TTC28: variants seen among roughly 807,000 people sequenced by gnomAD.
The protein encoded by TTC28 is tetratricopeptide repeat domain 28.
In TTC28, 61 loss-of-function variants were observed where a neutral mutation model predicts 198.0. The ratio of observed to expected loss-of-function variants is 0.31; its 90% CI spans 0.25 to 0.38. TTC28 has a LOEUF of 0.38. Among genes scored for constraint, TTC28 ranks in the 10% least tolerant of loss-of-function variants. TTC28 has a pLI of 1.00. For synonymous variants in TTC28, 1,171 were observed against 1,297.8 expected, an observed-to-expected ratio of 0.90 and a Z score of 2.10; for missense variants, 2,678 against 3,164.0, an observed-to-expected ratio of 0.85 and a Z score of 3.69.
At chr22:28,131,343 T>C (rs1943055745) in intron 6 of TTC28, among the ~76,000 whole-genome samples, 1 of 152,228 alleles carries the variant, frequency 6.6e-6, no homozygotes, top group Non-Finnish European at 1.5e-5. Flanking sequence ...GAATCCATCA[T>C]AAATTGAAAA....
At chr22:28,354,130 C>T (rs756958131) in intron 2 of TTC28, among the ~76,000 whole-genome samples, 8 of 152,088 alleles carry the variant, frequency 5.3e-5, no homozygotes, top group Non-Finnish European at 1.5e-5. Flanking sequence ...TGGTGTTCCT[C>T]AAAAAGTTAA....
chr22:28,140,443 C>T (rs1943304837), intron 6 of TTC28, among the ~76,000 whole-genome samples: 1 of 152,200 alleles, frequency 6.6e-6, no homozygotes, highest in South Asian at 2.1e-4. Context: ...CCACATCAAT[C>T]CCACTCAGAC....
At chr22:28,086,570 C>T (rs1176921806) in intron 12 of TTC28, among the ~76,000 whole-genome samples, 1 of 151,972 alleles carries the variant, frequency 6.6e-6, no homozygotes, top group Non-Finnish European at 1.5e-5. Context: ...AGGAAAGATC[C>T]AAAATTGACA....
At chr22:28,117,354 C>G (rs1942660666) in intron 6 of TTC28, among the ~76,000 whole-genome samples, 1 of 152,176 alleles carries the variant, frequency 6.6e-6, no homozygotes, top group Non-Finnish European at 1.5e-5. Context: ...ACTCTATTAG[C>G]ACCTAGCACA....
intron 6 of TTC28, among the ~76,000 whole-genome samples, chr22:28,131,171 TTATC>T (rs1259308497): frequency 6.6e-6 from 1 of 152,192 alleles, no homozygotes; most frequent in Non-Finnish European, 1.5e-5. Context: ...TTTGAAAGGT[TTATC>T]TATTAATTTA....
chr22:28,619,394 A>G (rs1460285927), intron 2 of TTC28, among the ~76,000 whole-genome samples: 1 of 152,236 alleles, frequency 6.6e-6, no homozygotes, highest in Non-Finnish European at 1.5e-5. Context: ...ACAAACCTAG[A>G]TTGAATTCCA....
intron 12 of TTC28, among the ~76,000 whole-genome samples, chr22:28,061,029 T>C (rs1940511503): frequency 6.6e-6 from 1 of 152,226 alleles, no homozygotes; most frequent in South Asian, 2.1e-4. Context: ...CTTTGAGAAG[T>C]GTCTGTTCAC....
chr22:28,636,127 A>T (rs993278719), intron 1 of TTC28, among the ~76,000 whole-genome samples: 64 of 65,708 alleles, frequency 9.7e-4, no homozygotes, highest in South Asian at 4.0e-3. Flanking sequence ...AAATGTCAGG[A>T]TTTTTTTTTT....
At chr22:28,131,233 T>G (rs568033414) in intron 6 of TTC28, among the ~76,000 whole-genome samples, 2 of 152,328 alleles carry the variant, frequency 1.3e-5, no homozygotes, top group African/African-American at 4.8e-5. Context: ...AAAACACATT[T>G]TTTTTTCTCT....
At chr22:28,306,962 A>G (rs566119648) in intron 2 of TTC28, among the ~76,000 whole-genome samples, 11 of 152,198 alleles carry the variant, frequency 7.2e-5, no homozygotes, top group Non-Finnish European at 1.6e-4. Context: ...TTAATGCCAT[A>G]AGCTCCTCAG....
intron 2 of TTC28, among the ~76,000 whole-genome samples, chr22:28,540,787 A>G (rs970165622): frequency 2.0e-5 from 3 of 152,214 alleles, no homozygotes; most frequent in Non-Finnish European, 2.9e-5. Context: ...ATCTTAGGTC[A>G]GTCTAATATG....
intron 2 of TTC28, among the ~76,000 whole-genome samples, chr22:28,610,438 C>A (rs1357947400): frequency 6.6e-6 from 1 of 152,184 alleles, no homozygotes; most frequent in Non-Finnish European, 1.5e-5. Flanking sequence ...TGGTGATACT[C>A]AGGCAAACAG....
intron 5 of TTC28, among the ~76,000 whole-genome samples, chr22:28,239,399 G>T (rs949043545): frequency 6.6e-6 from 1 of 152,060 alleles, no homozygotes; most frequent in African/African-American, 2.4e-5. Flanking sequence ...AAAAAAGCTG[G>T]ACAAAGTACA....
chr22:28,455,444 T>C lies in TTC28; in HGVS notation c.382-148801A>G, dbSNP rs374088748. ...AAAAGAGCATCATGGCCAGGTGTGG[T>C]GGCTCATGTCTGTAATCCCAGCACT... On this transcript the variant is annotated intron_variant, in intron 2 of 22. Coordinates refer to ENST00000397906, the MANE Select transcript of TTC28 (RefSeq NM_001145418.2). Among the ~76,000 whole-genome samples, 5 of 152,300 alleles carry C rather than the reference T, an allele frequency of 3.3e-5. No individual in the cohort carries two copies. In the South Asian group the frequency reaches 1.0e-3, roughly 32 times the overall value.
intron 12 of TTC28, among the ~76,000 whole-genome samples, chr22:28,091,926 G>T (rs750002528): frequency 2.9e-4 from 44 of 152,122 alleles, no homozygotes; most frequent in Non-Finnish European, 6.0e-4. Context: ...AGTTGTAGAG[G>T]CTTCCTTAAG....
chr22:28,623,083 A>G (rs1051609774), intron 2 of TTC28, among the ~76,000 whole-genome samples: 2 of 152,130 alleles, frequency 1.3e-5, no homozygotes, highest in Non-Finnish European at 2.9e-5. Flanking sequence ...TCGGCCTCCC[A>G]AAGTGCTGGG....
rs180708867 is a variant in TTC28 at position 28,446,552 on chromosome 22, G to A, written c.382-139909C>T. 8.5e-5 allele frequency among the ~76,000 whole-genome samples: 13 copies of A among 152,174 alleles called. No homozygotes were observed. In the East Asian group the frequency reaches 1.7e-3, roughly 20 times the overall value. On this transcript the variant is annotated intron_variant, in intron 2 of 22. Transcript: ENST00000397906. The stretch of plus-strand genomic sequence containing the variant: ...TTGAGAGCTGGTTGTTTAAAACAGC[G>A]AAGCACCCCACCATCATCCCCCCAT...
At chr22:28,534,816 A>G (rs1485891932) in intron 2 of TTC28, among the ~76,000 whole-genome samples, 2 of 152,182 alleles carry the variant, frequency 1.3e-5, no homozygotes, top group Non-Finnish European at 2.9e-5. Flanking sequence ...GCAAGGAAAG[A>G]AAACCAAACA....
intron 19 of TTC28, among the ~76,000 whole-genome samples, chr22:27,991,450 T>C (rs1223710042): frequency 2.6e-5 from 4 of 152,190 alleles, no homozygotes; most frequent in Non-Finnish European, 4.4e-5. Context: ...GAGCAGGGAC[T>C]CAGCCAAGGG....
Sources: gnomAD v4.1 joint callset for allele counts (sites outside exome capture counted in the v4.1 genomes callset) on GRCh38, gnomAD v4.1.1 for gene constraint, MANE v1.5 for transcripts, NCBI Gene and HGNC (gene_info 2026-07-23, HGNC 2026-07-21) for gene names.